Variants in HDAC4 observed in about 807,000 individuals in gnomAD.
The protein encoded by HDAC4 is histone deacetylase A.
HDAC4 carries 16 observed loss-of-function variants against 135.1 expected under a neutral mutation model. The observed-to-expected ratio is 0.12, with a 90% confidence interval of 0.08 to 0.18. The LOEUF is 0.18. HDAC4 is among the 10% of genes least tolerant of loss of function. The pLI is 1.00. For synonymous variants in HDAC4, 685 were observed against 653.4 expected (o/e 1.05, Z -0.74); for missense variants, 1,143 against 1,511.8 (o/e 0.76, Z 4.05).
chr2:239,175,792 T>C (rs1348573909), intron 5 of HDAC4, among the ~76,000 whole-genome samples: 1 of 152,264 alleles, frequency 6.6e-6, no homozygotes, highest in Non-Finnish European at 1.5e-5. Flanking sequence ...TGGCTTTTAA[T>C]ATTTTTAAGT....
chr2:239,224,187 C>T (rs998476342), intron 3 of HDAC4, among the ~76,000 whole-genome samples: 2 of 152,234 alleles, frequency 1.3e-5, no homozygotes, highest in African/African-American at 2.4e-5. Context: ...CTGCACAGCC[C>T]ATCTGCAGGC....
intron 12 of HDAC4, among the ~76,000 whole-genome samples, chr2:239,116,066 C>T (rs370835150): frequency 1.6e-4 from 25 of 152,204 alleles, no homozygotes; most frequent in African/African-American, 4.8e-4. Flanking sequence ...GGACGCTTCT[C>T]GGTCTCCCTC....
At chr2:239,217,512 A>C (rs2046706677) in intron 3 of HDAC4, among the ~76,000 whole-genome samples, 1 of 152,194 alleles carries the variant, frequency 6.6e-6, no homozygotes, top group Non-Finnish European at 1.5e-5. Flanking sequence ...AAAACTCAAA[A>C]TAACACTGCA....
Position 239,126,535 on chromosome 2 carries a change from A to AGGT in HDAC4, c.1451_1453dup (p.His484dup), listed in dbSNP as rs2152851452. On this transcript the variant is annotated inframe_insertion, in exon 12 of 27. Transcript: ENST00000543185. Reference sequence around the variant, plus strand: ...CTGCTGATGCTGCTGCTGGATGACCAGGTGCTGCAGAGCCTGGGCGTTCTG... The same window carrying AGGT: ...CTGCTGATGCTGCTGCTGGATGACCAGGTGGTGCTGCAGAGCCTGGGCGTTCTG... 1.2e-6 allele frequency: 2 copies of AGGT among 1,613,562 alleles called. No homozygotes were observed. Among genetic ancestry groups the AGGT allele is most frequent in the Non-Finnish European group, 1.7e-6 (2 of 1,179,814 alleles).
chr2:239,112,951 G>A (rs927715598), intron 13 of HDAC4, among the ~76,000 whole-genome samples: 3 of 152,336 alleles, frequency 2.0e-5, no homozygotes, highest in East Asian at 1.9e-4. Flanking sequence ...CAGGCTGGGC[G>A]TGGTGGCTCA....
At chr2:239,253,888 G>A (rs2048918109) in intron 2 of HDAC4, among the ~76,000 whole-genome samples, 1 of 152,176 alleles carries the variant, frequency 6.6e-6, no homozygotes, top group South Asian at 2.1e-4. Context: ...AGGTGGCCAT[G>A]AGCGTGGCTT....
intron 2 of HDAC4, among the ~76,000 whole-genome samples, chr2:239,330,271 G>A (rs1691482295): frequency 6.6e-6 from 1 of 152,258 alleles, no homozygotes; most frequent in Non-Finnish European, 1.5e-5. Context: ...ATCGGGAAGG[G>A]GAGGTCCAAC....
intron 2 of HDAC4, among the ~76,000 whole-genome samples, chr2:239,329,646 G>A (rs542267342): frequency 1.3e-5 from 2 of 152,240 alleles, no homozygotes; most frequent in African/African-American, 2.4e-5. Flanking sequence ...AAGGACACAG[G>A]TTATTTATAT....
At chr2:239,180,792 C>T (rs996712188) in intron 4 of HDAC4, among the ~76,000 whole-genome samples, 2 of 152,226 alleles carry the variant, frequency 1.3e-5, no homozygotes, top group Non-Finnish European at 2.9e-5. Flanking sequence ...GAAGAGTCCC[C>T]AGGCAGAAAC....
chr2:239,335,508 C>CA (rs61007856), intron 2 of HDAC4, among the ~76,000 whole-genome samples: 3,482 of 59,230 alleles, frequency 0.059, 128 homozygotes, highest in East Asian at 0.11. Context: ...ATCTGTTCAG[C>CA]AAAAAAAAAA....
intron 2 of HDAC4, among the ~76,000 whole-genome samples, chr2:239,256,916 A>G (rs898977297): frequency 6.6e-6 from 1 of 152,240 alleles, no homozygotes. Context: ...AATCGGATCC[A>G]CTAGACCAAG....
At chr2:239,374,721 A>T (rs897860818) in intron 1 of HDAC4, among the ~76,000 whole-genome samples, 3 of 152,236 alleles carry the variant, frequency 2.0e-5, no homozygotes, top group Non-Finnish European at 2.9e-5. Context: ...TTTAAAAATT[A>T]AGTTAACTCA....
At chr2:239,263,806 T>G (rs1231527258) in intron 2 of HDAC4, among the ~76,000 whole-genome samples, 1 of 152,142 alleles carries the variant, frequency 6.6e-6, no homozygotes, top group Non-Finnish European at 1.5e-5. Context: ...GCCGCCTGCC[T>G]GGCCCCAGCT....
At chr2:239,338,908 C>T (rs1166465683) in intron 2 of HDAC4, among the ~76,000 whole-genome samples, 2 of 152,176 alleles carry the variant, frequency 1.3e-5, no homozygotes, top group Admixed American at 6.5e-5. Flanking sequence ...AGCGTAGGTT[C>T]GGTTCCCCAG....
rs185283139 is a variant in HDAC4 at position 239,218,168 on chromosome 2, C to A, written c.94+18425G>T. 1.6e-3 allele frequency among the ~76,000 whole-genome samples: 164 copies of A among 105,748 alleles called. 2 individuals are homozygous for A. Among genetic ancestry groups the A allele is most frequent in the African/African-American group, 4.3e-3 (156 of 36,088 alleles). The allele number at this position is 105,748 out of a possible 152,430, so 69.4% of individuals were successfully genotyped here. A position where few individuals can be genotyped will look rare whatever the true frequency, so the allele number is the denominator to read the frequency against. On this transcript the variant is annotated intron_variant, in intron 3 of 26. Coordinates refer to ENST00000543185, the MANE Select transcript of HDAC4 (RefSeq NM_001378414.1). ...GAAATATGTCCATTTTATCAACATT[C>A]ATAAATAACACAGAGTCACATGAAA...
chr2:239,110,938 C>T (rs1210137493), intron 14 of HDAC4, among the ~76,000 whole-genome samples: 1 of 152,194 alleles, frequency 6.6e-6, no homozygotes. Context: ...TGGTGGACGC[C>T]TTACTTGCCT....
At chr2:239,320,211 C>T (rs1208173032) in intron 2 of HDAC4, among the ~76,000 whole-genome samples, 9 of 151,806 alleles carry the variant, frequency 5.9e-5, no homozygotes, top group South Asian at 2.1e-4. Flanking sequence ...GGTGAAACCC[C>T]GTCTCTACTT....
intron 2 of HDAC4, among the ~76,000 whole-genome samples, chr2:239,237,000 C>T (rs567288487): frequency 2.2e-4 from 33 of 152,170 alleles, no homozygotes; most frequent in African/African-American, 7.0e-4. Flanking sequence ...ATTAAGATAA[C>T]AAAAAGAGAA....
At chr2:239,082,416 C>T (rs143082547) in intron 20 of HDAC4, among the ~76,000 whole-genome samples, 195 bp from the exon 21 acceptor site, 85 of 152,316 alleles carry the variant, frequency 5.6e-4, no homozygotes, top group African/African-American at 1.9e-3. Context: ...GGTGCAGGGT[C>T]GCAGGGGTTC....
Sources: allele counts gnomAD v4.1 joint callset (sites outside exome capture counted in the v4.1 genomes callset), GRCh38; gene constraint gnomAD v4.1.1; transcripts MANE v1.5; gene names NCBI Gene and HGNC (gene_info 2026-07-23, HGNC 2026-07-21).